The following HIPK1 variants were observed in gnomAD, a reference collection of about 807,000 sequenced individuals.
HIPK1 encodes the protein homeodomain-interacting protein kinase 1.
Under a neutral mutation model 117.1 loss-of-function variants are expected in HIPK1, and 28 were observed. The observed-to-expected ratio is 0.24, with a 90% confidence interval of 0.18 to 0.33. HIPK1 has a LOEUF of 0.33. Among genes scored for constraint, HIPK1 ranks in the 10% least tolerant of loss-of-function variants. The pLI is 1.00. For synonymous variants in HIPK1, 605 were observed against 562.5 expected, an observed-to-expected ratio of 1.08 and a Z score of -1.07; for missense variants, 1,122 against 1,475.1, an observed-to-expected ratio of 0.76 and a Z score of 3.92.
intron 1 of HIPK1, chr1:113,929,829 C>A: frequency 1.0e-6 from 1 of 987,146 alleles, no homozygotes; most frequent in Non-Finnish European, 1.2e-6. Context: ...GGGGCCCGGG[C>A]CGGCTCGCGC....
At chr1:113,964,336 T>G (rs1404624800) in intron 10 of HIPK1, among the ~76,000 whole-genome samples, 3 of 152,242 alleles carry the variant, frequency 2.0e-5, no homozygotes, top group African/African-American at 7.2e-5. Context: ...GAATAGTTAC[T>G]TAATGTAGCT....
At chr1:113,934,741 G>C (rs1315055152) in intron 1 of HIPK1, among the ~76,000 whole-genome samples, 1 of 144,348 alleles carries the variant, frequency 6.9e-6, no homozygotes, top group Non-Finnish European at 1.5e-5. Context: ...TTTAGAGCAG[G>C]AGTTTGACAC....
At chr1:113,956,176 G>A (rs1225872165) in intron 5 of HIPK1, among the ~76,000 whole-genome samples, 11 of 148,684 alleles carry the variant, frequency 7.4e-5, no homozygotes, top group African/African-American at 2.7e-4. Flanking sequence ...CCGGGTTCAA[G>A]CGATTCTCCT....
At chr1:113,951,056 T>G (rs367791857) in intron 2 of HIPK1, 1 of 186,444 alleles carries the variant, frequency 5.4e-6, no homozygotes, top group South Asian at 1.8e-4. Context: ...TATCTTAGAA[T>G]TGATGACATC....
At chr1:113,971,504 T>A (rs1189274255) in intron 14 of HIPK1, among the ~76,000 whole-genome samples, 1 of 152,236 alleles carries the variant, frequency 6.6e-6, no homozygotes, top group African/African-American at 2.4e-5. Flanking sequence ...AATCCCTTCC[T>A]ACATAAAACT....
chr1:113,941,837 G>T lies in HIPK1; in HGVS notation c.1076+378G>T, dbSNP rs903230437. 1.3e-5 allele frequency among the ~76,000 whole-genome samples: 2 copies of T among 152,076 alleles called. No homozygotes were observed. Among genetic ancestry groups the T allele is most frequent in the Admixed American group, 6.6e-5 (1 of 15,264 alleles). ...TGCAGTGGCGTGATATCAGCTCACT[G>T]CAAGCCCCACCTCCTGGGTTCACGC... On this transcript the variant is annotated intron_variant, in intron 2 of 15. Coordinates refer to ENST00000426820, the MANE Select transcript of HIPK1 (RefSeq NM_198268.3). This position sits in a 1 kb window ranked among gnomAD's most constrained non-coding sequence, Gnocchi z 4.9.
chr1:113,971,835 A>G lies in HIPK1; in HGVS notation c.3025A>G (p.Asn1009Asp), dbSNP rs767570211. The G allele has an allele frequency of 1.4e-5, 22 of 1,594,368 alleles. No homozygotes were observed. The highest frequency in any genetic ancestry group is 1.7e-4 in the Middle Eastern group (1 of 6,026). Reference sequence around the variant, plus strand: ...TGGTGCTTTTTTAGGTCTCCTGAGCAATAAGACTAAGCCAGTCGCTTCAGT... The same window carrying G: ...TGGTGCTTTTTTAGGTCTCCTGAGCGATAAGACTAAGCCAGTCGCTTCAGT... ...VATQASGLLS[N>D]KTKPVASVSG... The change falls in exon 15 of 16, where the codon AAT (asparagine) becomes GAT (aspartate). Residue 1009 changes from asparagine to aspartate, a missense_variant. Asn to Asp is a conservative substitution (Grantham distance 23, BLOSUM62 1). Around this residue, in one of 6 missense-constraint regions of HIPK1, gnomAD observed 731 missense variants for 860.4 expected, o/e 0.85. Transcript: ENST00000426820.
In HIPK1 at chr1:113,940,893, C is replaced by G; in HGVS notation, c.510C>G (p.Ser170Arg). ...TGACCACAAAGAGTAGCAGTTCCAG[C>G]GGAGAAGGGGATTACCAGCTGGTCC... is the stretch of plus-strand genomic sequence containing the variant. ...TTVTTKSSSS[S>R]GEGDYQLVQH... Residue 170 changes from serine to arginine, a missense_variant, in exon 2 of 16, where the codon AGC (serine) becomes AGG (arginine). Ser to Arg is a moderately radical substitution (Grantham distance 110). Transcript: ENST00000426820. The G allele has an allele frequency of 6.2e-7, 1 of 1,614,076 alleles. No homozygotes were observed. Among genetic ancestry groups the G allele is most frequent in the African/African-American group, 1.3e-5 (1 of 75,006 alleles).
chr1:113,940,237 T>G, intron 1 of HIPK1, 145 bp from the exon 2 acceptor site: 1 of 763,126 alleles, frequency 1.3e-6, no homozygotes, highest in Non-Finnish European at 2.1e-6. Context: ...TAGGTCAAGA[T>G]TGAATTAGTT....
intron 15 of HIPK1, among the ~76,000 whole-genome samples, chr1:113,972,552 GGTAT>G (rs1287810392): frequency 6.6e-6 from 1 of 152,170 alleles, no homozygotes; most frequent in East Asian, 1.9e-4. Flanking sequence ...TCAGTATGAG[GGTAT>G]GTGAGAGAGA....
intron 2 of HIPK1, among the ~76,000 whole-genome samples, chr1:113,950,283 G>A (rs1671262882): frequency 6.6e-6 from 1 of 152,088 alleles, no homozygotes; most frequent in Non-Finnish European, 1.5e-5. Context: ...AGAAACCTGG[G>A]TATTCTGTGA....
intron 8 of HIPK1, among the ~76,000 whole-genome samples, chr1:113,960,262 A>C (rs71662848): frequency 6.6e-6 from 1 of 152,214 alleles, no homozygotes; most frequent in Non-Finnish European, 1.5e-5. Context: ...CAAAATAATA[A>C]CAAAAAATGA....
Position 113,973,633 on chromosome 1 carries a change from G to T in HIPK1, c.*121G>T. 6 of 1,185,764 alleles carry T rather than the reference G, an allele frequency of 5.1e-6. No homozygotes were observed. The highest frequency in any genetic ancestry group is 6.9e-6 in the Non-Finnish European group (6 of 865,880). The allele number at this position is 1,185,764 out of a possible 1,614,324, so 73.5% of individuals were successfully genotyped here. A position where few individuals can be genotyped will look rare whatever the true frequency, so the allele number is the denominator to read the frequency against. ...AATTTCTTAGCCAGCAACTTGTTCTGCAGGGGCCCACTGAAGCAGAAGGTT... is the reference window on the plus strand; with the variant it reads ...AATTTCTTAGCCAGCAACTTGTTCTTCAGGGGCCCACTGAAGCAGAAGGTT... On this transcript the variant is annotated 3_prime_UTR_variant, in exon 16 of 16. Transcript: ENST00000426820.
intron 2 of HIPK1, among the ~76,000 whole-genome samples, chr1:113,942,847 C>T (rs537646468): frequency 6.6e-6 from 1 of 152,122 alleles, no homozygotes; most frequent in Non-Finnish European, 1.5e-5. Context: ...TTTTAATGGC[C>T]ATACATTAAA....
chr1:113,946,389 G>A (rs1376825364), intron 2 of HIPK1, among the ~76,000 whole-genome samples: 2 of 152,198 alleles, frequency 1.3e-5, no homozygotes, highest in South Asian at 2.1e-4. Flanking sequence ...AAGACAAAGT[G>A]CATTCTCTTG....
At chr1:113,935,544 G>A (rs1173418078) in intron 1 of HIPK1, among the ~76,000 whole-genome samples, 1 of 152,214 alleles carries the variant, frequency 6.6e-6, no homozygotes, top group Non-Finnish European at 1.5e-5. Flanking sequence ...TTTACCCAGT[G>A]ATGGGATTGC....
rs1467413279 is a variant in HIPK1, at chr1:113,931,737, G to C, written c.-3+2205G>C. On this transcript the variant is annotated intron_variant, in intron 1 of 15. Coordinates refer to ENST00000426820, the MANE Select transcript of HIPK1 (RefSeq NM_198268.3). ...TTTTTATAAGCACAGCTCCATCAAT[G>C]ATTTGTTGGTACAAATCAGTGAGTC... 3.3e-5 allele frequency among the ~76,000 whole-genome samples: 5 copies of C among 152,140 alleles called. 1 individual carries two copies. The highest frequency in any genetic ancestry group is 1.2e-4 in the African/African-American group (5 of 41,428).
In HIPK1 at chr1:113,941,820, C is replaced by T. The variant is rs977762475; in HGVS notation, c.1076+361C>T. On this transcript the variant is annotated intron_variant, in intron 2 of 15. Coordinates refer to ENST00000426820, the MANE Select transcript of HIPK1 (RefSeq NM_198268.3). This position sits in a 1 kb window ranked among gnomAD's most constrained non-coding sequence, Gnocchi z 4.9. The stretch of plus-strand genomic sequence containing the variant: ...TGTCGCCCAGGCTGGAGTGCAGTGG[C>T]GTGATATCAGCTCACTGCAAGCCCC... Among the ~76,000 whole-genome samples, 4 of 151,538 alleles carry T rather than the reference C, an allele frequency of 2.6e-5. No homozygotes were observed. The highest frequency in any genetic ancestry group is 5.9e-5 in the Non-Finnish European group (4 of 67,854).
chr1:113,964,817 C>G (rs1672343750), intron 10 of HIPK1, among the ~76,000 whole-genome samples: 1 of 152,212 alleles, frequency 6.6e-6, no homozygotes, highest in African/African-American at 2.4e-5. Flanking sequence ...GACACTTCTC[C>G]TTTGCTGCTT....
Sources: allele counts gnomAD v4.1 joint callset (sites outside exome capture counted in the v4.1 genomes callset), GRCh38; gene constraint gnomAD v4.1.1; regional missense constraint gnomAD v4.1.1; non-coding constraint Gnocchi (gnomAD v3.1); transcripts MANE v1.5; gene names NCBI Gene and HGNC (gene_info 2026-07-23, HGNC 2026-07-21).